Variants in TENM2 observed in about 807,000 individuals in gnomAD.
TENM2 encodes the protein teneurin-2.
Under a neutral mutation model 245.2 loss-of-function variants are expected in TENM2, and 52 were observed. The ratio of observed to expected loss-of-function variants is 0.21; its 90% confidence interval spans 0.17 to 0.27. The LOEUF is 0.27. TENM2 is among the 10% of genes least tolerant of loss of function. TENM2 has a pLI of 1.00. For missense variants in TENM2, 3,046 were observed against 3,666.8 expected, an observed-to-expected ratio of 0.83 and a Z score of 4.37; for synonymous variants, 1,363 against 1,438.9, an observed-to-expected ratio of 0.95 and a Z score of 1.19.
At chr5:167,908,928 G>T (rs1410862258) in intron 3 of TENM2, among the ~76,000 whole-genome samples, 1 of 151,958 alleles carries the variant, frequency 6.6e-6, no homozygotes, top group East Asian at 2.0e-4. Context: ...ATAATCTGCT[G>T]AATAGAGTGC....
At chr5:167,666,979 A>T (rs1447481372) in intron 2 of TENM2, among the ~76,000 whole-genome samples, 1 of 152,198 alleles carries the variant, frequency 6.6e-6, no homozygotes, top group African/African-American at 2.4e-5. Context: ...AACTAGGACA[A>T]TCCTAGGCAA....
intron 13 of TENM2, among the ~76,000 whole-genome samples, chr5:168,181,622 C>T (rs1303506975): frequency 1.3e-5 from 2 of 148,498 alleles, no homozygotes; most frequent in Non-Finnish European, 3.0e-5. Context: ...AGGAGGAAAA[C>T]TTCCAACAGG....
chr5:167,527,392 CT>C (rs1301224018), intron 2 of TENM2, among the ~76,000 whole-genome samples: 3 of 152,044 alleles, frequency 2.0e-5, no homozygotes, highest in African/African-American at 7.2e-5. Context: ...GAATTTCATG[CT>C]ATGATTTTTT....
chr5:167,780,094 C>G (rs1430162764), intron 2 of TENM2, among the ~76,000 whole-genome samples: 1 of 152,188 alleles, frequency 6.6e-6, no homozygotes, highest in Admixed American at 6.5e-5. Context: ...GGTTTACACA[C>G]TTGGCATTAA....
chr5:167,752,378 T>C (rs577770558), intron 2 of TENM2, among the ~76,000 whole-genome samples: 2 of 151,350 alleles, frequency 1.3e-5, no homozygotes, highest in African/African-American at 4.9e-5. Context: ...CCTTCCAAAG[T>C]GCTGGGATTA....
chr5:168,192,034 A>G (rs975101439), intron 14 of TENM2, among the ~76,000 whole-genome samples: 5 of 152,200 alleles, frequency 3.3e-5, no homozygotes, highest in African/African-American at 1.2e-4. Context: ...GGTAAAAATA[A>G]TCTCAGCCCT....
chr5:167,725,335 A>G (rs1358625157), intron 2 of TENM2, among the ~76,000 whole-genome samples: 2 of 152,224 alleles, frequency 1.3e-5, no homozygotes, highest in Admixed American at 6.5e-5. Context: ...ATATGTATGT[A>G]TAGATGCATA....
rs1766755395 is a variant in TENM2 at position 168,248,080 on chromosome 5, A to T, written c.7141A>T (p.Ile2381Phe). The T allele has an allele frequency of 3.7e-6, 6 of 1,613,992 alleles. No homozygotes were observed. The highest frequency in any genetic ancestry group is 5.1e-6 in the Non-Finnish European group (6 of 1,179,884). ...AGGGACTCCTCTGGCTGTGTTCAGC[A>T]TCAACGGCCTCATGATCAAACAGCT... is the stretch of plus-strand genomic sequence containing the variant. The change falls in exon 27 of 29, where the codon ATC becomes TTC. Residue 2381 changes from isoleucine to phenylalanine, a missense_variant. Ile to Phe is a conservative substitution (Grantham distance 21). Coordinates refer to ENST00000518659, the Ensembl canonical transcript of TENM2.
At chr5:167,048,659 A>T in the TENM2 span, among the ~76,000 whole-genome samples, 4 of 152,212 alleles carry the variant, frequency 2.6e-5, no homozygotes, top group African/African-American at 9.6e-5. Context: ...CCTTTCAAAA[A>T]TGTGCCACAT....
At chr5:168,260,891 TC>T (rs1467047015) in intron 28 of TENM2, among the ~76,000 whole-genome samples, 1 of 152,208 alleles carries the variant, frequency 6.6e-6, no homozygotes, top group Non-Finnish European at 1.5e-5. Context: ...CTTGGGTCTT[TC>T]TGCGATGACC....
At chr5:167,996,365 CCTGGAATAAATTACT>C (rs1425713955) in intron 5 of TENM2, among the ~76,000 whole-genome samples, 1 of 152,128 alleles carries the variant, frequency 6.6e-6, no homozygotes, top group Non-Finnish European at 1.5e-5. Context: ...GTACAAACAT[CCTGGAATAAATTACT>C]CTGGAAAGCT....
At position 167,873,806 on chromosome 5, in the gene TENM2, C is replaced by T. The variant is rs186087426; in HGVS notation, c.503-2180C>T. Among the ~76,000 whole-genome samples the T allele has an allele frequency of 2.6e-5, 4 of 152,226 alleles. 1 individual carries two copies. The highest frequency in any genetic ancestry group is 5.9e-5 in the Non-Finnish European group (4 of 68,012). ...CAGAACACCCAGCAAGAAAGTCATG[C>T]CTTATATGAATCCCAAACAGCCATG... On this transcript the variant is annotated intron_variant, in intron 2 of 28. Coordinates refer to ENST00000518659, the Ensembl canonical transcript of TENM2.
intron 23 of TENM2, among the ~76,000 whole-genome samples, chr5:168,222,432 A>G (rs1160749136): frequency 6.6e-6 from 1 of 152,178 alleles, no homozygotes; most frequent in East Asian, 1.9e-4. Context: ...GAAGGGGCAA[A>G]TGTCAGATCA....
At chr5:167,396,561 T>C (rs1386367778) in intron 2 of TENM2, among the ~76,000 whole-genome samples, 1 of 152,068 alleles carries the variant, frequency 6.6e-6, no homozygotes, top group Non-Finnish European at 1.5e-5. Context: ...GATGCAAAGC[T>C]GAGGATGTCT....
chr5:168,001,439 A>T (rs974107044), intron 5 of TENM2, among the ~76,000 whole-genome samples: 3 of 152,228 alleles, frequency 2.0e-5, no homozygotes, highest in Non-Finnish European at 4.4e-5. Context: ...TAATGGCATA[A>T]ATCTAAAAGT....
At chr5:167,488,309 C>A (rs558546003) in intron 2 of TENM2, among the ~76,000 whole-genome samples, 1 of 152,202 alleles carries the variant, frequency 6.6e-6, no homozygotes, top group Admixed American at 6.5e-5. Flanking sequence ...TGTCTACATT[C>A]ACTGTCTCTT....
intron 2 of TENM2, among the ~76,000 whole-genome samples, chr5:167,471,675 A>G (rs1241944869): frequency 1.3e-5 from 2 of 152,246 alleles, no homozygotes; most frequent in Non-Finnish European, 2.9e-5. Context: ...CAGACTATAT[A>G]ATACGAATGT....
intron 2 of TENM2, among the ~76,000 whole-genome samples, chr5:167,762,912 G>T (rs182173684): frequency 6.6e-6 from 1 of 152,314 alleles, no homozygotes; most frequent in Non-Finnish European, 1.5e-5. Flanking sequence ...GCCATGTGCA[G>T]GAAATACTTT....
chr5:167,490,806 A>G (rs1171833816), intron 2 of TENM2, among the ~76,000 whole-genome samples: 1 of 152,182 alleles, frequency 6.6e-6, no homozygotes, highest in Non-Finnish European at 1.5e-5. Context: ...AAGTGACAAA[A>G]AGTCTAACTC....
Sources: allele counts gnomAD v4.1 joint callset (sites outside exome capture counted in the v4.1 genomes callset), GRCh38; gene constraint gnomAD v4.1.1; transcripts MANE v1.5; gene names NCBI Gene and HGNC (gene_info 2026-07-23, HGNC 2026-07-21).